The following SHANK2 variants were observed in gnomAD, a reference collection of about 807,000 sequenced individuals.
SHANK2 encodes SH3 and multiple ankyrin repeat domains protein 2.
In SHANK2, 43 loss-of-function variants were observed where a neutral mutation model predicts 133.7. The observed-to-expected ratio is 0.32, with a 90% CI of 0.25 to 0.41. The LOEUF (loss-of-function observed/expected upper bound fraction) is 0.41. SHANK2 is among the 10% of genes least tolerant of loss of function. SHANK2 has a pLI of 1.00. For missense variants in SHANK2, 1,994 were observed against 2,235.8 expected (o/e 0.89, Z 2.18); for synonymous variants, 1,017 against 952.8 (o/e 1.07, Z -1.24).
At chr11:70,652,484 T>C (rs2061349411) in intron 17 of SHANK2, among the ~76,000 whole-genome samples, 1 of 152,058 alleles carries the variant, frequency 6.6e-6, no homozygotes, top group Admixed American at 6.6e-5. Flanking sequence ...GCATCATTAA[T>C]GATGATGAAA....
chr11:70,888,269 G>A (rs559332767), intron 11 of SHANK2, among the ~76,000 whole-genome samples: 3 of 152,180 alleles, frequency 2.0e-5, no homozygotes, highest in South Asian at 4.2e-4. Flanking sequence ...GGCCACCCAC[G>A]ATCTAAAGCA....
intron 17 of SHANK2, among the ~76,000 whole-genome samples, chr11:70,568,622 C>T (rs1335071101): frequency 1.5e-5 from 2 of 130,900 alleles, no homozygotes; most frequent in African/African-American, 5.3e-5. Flanking sequence ...CACCTCCCCT[C>T]TCCCATGTGG....
intron 3 of SHANK2, among the ~76,000 whole-genome samples, chr11:71,142,235 A>G (rs1952569692): frequency 6.6e-6 from 1 of 152,198 alleles, no homozygotes; most frequent in South Asian, 2.1e-4. Context: ...GCGGTGGCTC[A>G]CGCCTATGTA....
chr11:70,752,361 C>A (rs1438529710), intron 14 of SHANK2, among the ~76,000 whole-genome samples: 1 of 152,140 alleles, frequency 6.6e-6, no homozygotes, highest in Non-Finnish European at 1.5e-5. Context: ...ATATTAATAT[C>A]AAAGTAGTCT....
At chr11:70,711,396 AG>A (rs2134585719) in intron 14 of SHANK2, among the ~76,000 whole-genome samples, 1 of 152,394 alleles carries the variant, frequency 6.6e-6, no homozygotes, top group Admixed American at 6.5e-5. Flanking sequence ...GGCTGTGCCC[AG>A]GCTGCTGAGC....
intron 17 of SHANK2, among the ~76,000 whole-genome samples, chr11:70,596,736 C>T (rs1410974448): frequency 6.6e-6 from 1 of 152,184 alleles, no homozygotes; most frequent in Admixed American, 6.5e-5. Flanking sequence ...CACAACAGTC[C>T]ACTCTCTCCG....
chr11:70,731,439 C>T (rs1946288649), intron 14 of SHANK2, among the ~76,000 whole-genome samples: 1 of 152,236 alleles, frequency 6.6e-6, no homozygotes, highest in African/African-American at 2.4e-5. Flanking sequence ...GGCAACCACT[C>T]ATCTACTTTC....
chr11:71,222,444 C>T (rs1488235983), intron 2 of SHANK2, among the ~76,000 whole-genome samples: 3 of 152,136 alleles, frequency 2.0e-5, no homozygotes, highest in Non-Finnish European at 4.4e-5. Context: ...ACCCAACAGC[C>T]TGAGTGTTCC....
rs71049946 is a variant in SHANK2 at position 70,875,524 on chromosome 11, A to AAACAACAACAACAACAACAAC, written c.1174+20956_1174+20976dup. Among the ~76,000 whole-genome samples, 5 of 146,448 alleles carry AAACAACAACAACAACAACAAC rather than the reference A, an allele frequency of 3.4e-5. No homozygotes were observed. The East Asian group carries it at 8.3e-4, about 24-fold the overall frequency. ...GGGAGACAGAGTGAGACTCCGTCTC[A>AAACAACAACAACAACAACAAC]AACAACAACAACAACAACAACAACA... On this transcript the variant is annotated intron_variant, in intron 11 of 25. Coordinates refer to ENST00000601538, the MANE Select transcript of SHANK2 (RefSeq NM_012309.5).
intron 17 of SHANK2, among the ~76,000 whole-genome samples, chr11:70,644,885 C>T (rs1187708222): frequency 5.3e-5 from 8 of 152,178 alleles, no homozygotes; most frequent in Admixed American, 5.2e-4. Flanking sequence ...TAAGATGACC[C>T]CAGCCTGGCA....
In SHANK2 at chr11:70,672,063, TTTC is replaced by T. The variant is rs1272169087; in HGVS notation, c.1854-10388_1854-10386del. Among the ~76,000 whole-genome samples, 36 of 107,898 alleles carry T rather than the reference TTTC, an allele frequency of 3.3e-4. 3 individuals carry two copies. Among genetic ancestry groups the T allele is most frequent in the African/African-American group, 6.6e-4 (21 of 31,716 alleles). 70.8% of individuals were successfully genotyped at this position (107,898 alleles called of 152,430 possible). ...ATCCCCACCATACTTTTCTTTTCTT[TTTC>T]TTTTTTTTTTTTTTTTAGAGGGAGT... On this transcript the variant is annotated intron_variant, in intron 15 of 25. Coordinates refer to ENST00000601538, the MANE Select transcript of SHANK2 (RefSeq NM_012309.5).
In SHANK2 at chr11:71,147,239, C is replaced by G; in HGVS notation, c.88G>C (p.Glu30Gln). The G allele has an allele frequency of 6.4e-7, 1 of 1,551,004 alleles. No homozygotes were observed. Among genetic ancestry groups the G allele is most frequent in the African/African-American group, 1.4e-5 (1 of 73,170 alleles). The change falls in exon 3 of 26, where the codon GAA becomes CAA. Residue 30 changes from glutamate (E) to glutamine (Q), a missense_variant. By Grantham distance (29) the Glu-to-Gln change is conservative. Transcript: ENST00000601538. The part of the protein sequence containing the change: ...SVGSESDSSK[E>Q]ETIYDTIRAT... The stretch of plus-strand genomic sequence containing the variant: ...CGGATCGTGTCATAGATGGTCTCTT[C>G]TTTGGAGCTGTCTGACTCCGACCCC...
At chr11:70,561,611 T>G (rs1435074241) in intron 17 of SHANK2, among the ~76,000 whole-genome samples, 1 of 151,934 alleles carries the variant, frequency 6.6e-6, no homozygotes, top group Non-Finnish European at 1.5e-5. Context: ...TCACTGTAGC[T>G]TCAAACTTCT....
At chr11:71,184,954 C>T (rs1164235237) in intron 2 of SHANK2, among the ~76,000 whole-genome samples, 1 of 152,172 alleles carries the variant, frequency 6.6e-6, no homozygotes, top group Non-Finnish European at 1.5e-5. Context: ...ACACTCTGTT[C>T]CTGACGCAGA....
At chr11:71,193,528 C>A (rs1953835538) in intron 2 of SHANK2, among the ~76,000 whole-genome samples, 1 of 152,178 alleles carries the variant, frequency 6.6e-6, no homozygotes, top group South Asian at 2.1e-4. Flanking sequence ...AGATAACAGG[C>A]TGGAAAGAGC....
rs1480919742 is a variant in SHANK2 at position 70,680,006 on chromosome 11, G to A, written c.1854-18328C>T. ...GAGGCCGACGGGTGGGACAGGGGTC[G>A]GTGGAGCAGGCAGCATGCAGTCTGC... On this transcript the variant is annotated intron_variant, in intron 15 of 25. Transcript: ENST00000601538. Among the ~76,000 whole-genome samples, 3 of 152,292 alleles carry A rather than the reference G, an allele frequency of 2.0e-5. No homozygotes were observed. In the East Asian group the frequency reaches 5.8e-4, roughly 29 times the overall value.
At chr11:71,135,777 C>T (rs1419182111) in intron 3 of SHANK2, among the ~76,000 whole-genome samples, 2 of 152,118 alleles carry the variant, frequency 1.3e-5, no homozygotes, top group Non-Finnish European at 2.9e-5. Flanking sequence ...GATTTTTATC[C>T]TCAGACCGGG....
chr11:70,950,214 T>C (rs1950812618), intron 10 of SHANK2: 3 of 443,600 alleles, frequency 6.8e-6, no homozygotes, highest in African/African-American at 4.0e-5. Context: ...TTTCGCTCTA[T>C]GGCCCAGGCT....
intron 14 of SHANK2, among the ~76,000 whole-genome samples, chr11:70,723,526 T>A (rs1946112460): frequency 6.6e-6 from 1 of 152,136 alleles, no homozygotes; most frequent in Non-Finnish European, 1.5e-5. Flanking sequence ...AACCTCCAGA[T>A]GAGAATGCAG....
Sources: gnomAD v4.1 joint callset for allele counts (sites outside exome capture counted in the v4.1 genomes callset) on GRCh38, gnomAD v4.1.1 for gene constraint, MANE v1.5 for transcripts, NCBI Gene and HGNC (gene_info 2026-07-23, HGNC 2026-07-21) for gene names.